ZNF385B: variants seen among roughly 807,000 people sequenced by gnomAD.
ZNF385B encodes the protein zinc finger protein 385B.
Under a neutral mutation model 39.2 loss-of-function variants are expected in ZNF385B, and 23 were observed. That is an observed-to-expected ratio of 0.59 (90% CI 0.42 to 0.83). The LOEUF is 0.83. Ranked by LOEUF, ZNF385B falls within the 40% of genes least tolerant of loss-of-function variation. ZNF385B has a pLI of 0.00. For synonymous variants in ZNF385B, 205 were observed against 222.6 expected (o/e 0.92, Z 0.70); for missense variants, 552 against 598.9 (o/e 0.92, Z 0.82).
rs147349858 is a variant in ZNF385B, at chr2:179,569,715, A to T, written c.299-24746T>A. On this transcript the variant is annotated intron_variant, in intron 3 of 9. Coordinates refer to ENST00000410066, the MANE Select transcript of ZNF385B (RefSeq NM_152520.6). ...GTGCAAAGCACAGTGCTTTCTGCAC[A>T]GTATTGGGTCAAGCTGTTTATGAAG... is the stretch of plus-strand genomic sequence containing the variant. Among the ~76,000 whole-genome samples the T allele has an allele frequency of 2.3e-3, 358 of 152,366 alleles. 1 individual carries two copies. Among genetic ancestry groups the T allele is most frequent in the African/African-American group, 8.3e-3 (347 of 41,592 alleles).
At chr2:179,472,676 G>C (rs114149227) in intron 6 of ZNF385B, among the ~76,000 whole-genome samples, 3 of 152,106 alleles carry the variant, frequency 2.0e-5, no homozygotes, top group Non-Finnish European at 4.4e-5. Flanking sequence ...TCAAATATAC[G>C]GGCTGACAAG....
intron 1 of ZNF385B, among the ~76,000 whole-genome samples, chr2:179,775,043 C>T (rs770700391): frequency 1.3e-5 from 2 of 152,134 alleles, no homozygotes; most frequent in African/African-American, 4.8e-5. Flanking sequence ...TGTTGAAATG[C>T]CTTGTACTGC....
In ZNF385B at chr2:179,444,922, T is replaced by G; in HGVS notation, c.1196A>C (p.Lys399Thr). The change falls in exon 9 of 10, where the codon AAA becomes ACA. Residue 399 changes from lysine (K) to threonine (T), a missense_variant. By Grantham distance (78) the Lys-to-Thr change is moderately conservative. Transcript: ENST00000410066. ...CTGGAGTTTGTTGTAAGGGCTGTAT[T>G]TTGGCTTCAGTGGTTTCCCTGCAAC... ...DRVAGKPLKP[K>T]YSPYNKLQRS... is the part of the protein sequence containing the mutation. 2 of 1,614,202 alleles carry G rather than the reference T, an allele frequency of 1.2e-6. No homozygotes were observed. The highest frequency in any genetic ancestry group is 1.1e-5 in the South Asian group (1 of 91,084).
intron 3 of ZNF385B, among the ~76,000 whole-genome samples, chr2:179,714,550 T>C (rs199601035): frequency 6.6e-6 from 1 of 152,150 alleles, no homozygotes; most frequent in Non-Finnish European, 1.5e-5. Context: ...GCTATGGCTG[T>C]TAAAAGGTTA....
intron 5 of ZNF385B, among the ~76,000 whole-genome samples, chr2:179,491,673 T>C (rs1421903750): frequency 1.3e-5 from 2 of 152,192 alleles, no homozygotes; most frequent in African/African-American, 4.8e-5. Context: ...ATAAAACACA[T>C]GGATAATATC....
At chr2:179,509,227 C>G (rs1255399630) in intron 5 of ZNF385B, among the ~76,000 whole-genome samples, 1 of 152,066 alleles carries the variant, frequency 6.6e-6, no homozygotes, top group Admixed American at 6.6e-5. Flanking sequence ...TTAACCTAGT[C>G]TTTTCTTTTT....
intron 3 of ZNF385B, among the ~76,000 whole-genome samples, chr2:179,715,268 G>A (rs542683375): frequency 6.6e-6 from 1 of 152,216 alleles, no homozygotes; most frequent in African/African-American, 2.4e-5. Context: ...ACCACCATAG[G>A]TGATGACTTC....
At chr2:179,736,272 T>C (rs1297400796) in intron 3 of ZNF385B, among the ~76,000 whole-genome samples, 1 of 152,164 alleles carries the variant, frequency 6.6e-6, no homozygotes, top group Admixed American at 6.5e-5. Flanking sequence ...ATACTTGCTT[T>C]GGGAGCTTAC....
intron 5 of ZNF385B, among the ~76,000 whole-genome samples, chr2:179,498,169 A>G (rs1336503129): frequency 1.3e-5 from 2 of 152,148 alleles, no homozygotes; most frequent in African/African-American, 4.8e-5. Context: ...AAATCAATAA[A>G]GAAACATAAG....
chr2:179,785,984 A>G (rs988466995), intron 1 of ZNF385B, among the ~76,000 whole-genome samples: 4 of 152,146 alleles, frequency 2.6e-5, no homozygotes, highest in Non-Finnish European at 4.4e-5. Flanking sequence ...GATGTAGCAA[A>G]TTTCATTGTT....
At chr2:179,622,799 A>T (rs947251926) in intron 3 of ZNF385B, among the ~76,000 whole-genome samples, 4 of 152,134 alleles carry the variant, frequency 2.6e-5, no homozygotes, top group Non-Finnish European at 5.9e-5. Context: ...CTTTGCCTGT[A>T]CTCTGAAAGA....
intron 6 of ZNF385B, among the ~76,000 whole-genome samples, chr2:179,451,059 A>C (rs951076037): frequency 1.5e-5 from 2 of 134,138 alleles, no homozygotes; most frequent in Non-Finnish European, 3.1e-5. Flanking sequence ...ATGATAACAC[A>C]TGGACACAGG....
At chr2:179,765,470 C>T (rs1703634523) in intron 3 of ZNF385B, among the ~76,000 whole-genome samples, 1 of 152,152 alleles carries the variant, frequency 6.6e-6, no homozygotes, top group South Asian at 2.1e-4. Flanking sequence ...GCCTGGCTGT[C>T]ACTTCTGCAC....
intron 5 of ZNF385B, among the ~76,000 whole-genome samples, chr2:179,516,376 G>T (rs1409196360): frequency 1.3e-5 from 2 of 152,018 alleles, no homozygotes; most frequent in African/African-American, 4.8e-5. Context: ...TTCCAAAGTG[G>T]CTGTACCATT....
chr2:179,706,631 C>T (rs1211301392), intron 3 of ZNF385B, among the ~76,000 whole-genome samples: 1 of 152,018 alleles, frequency 6.6e-6, no homozygotes, highest in Non-Finnish European at 1.5e-5. Context: ...ACAGGGATGC[C>T]CTGAAAACAC....
intron 3 of ZNF385B, among the ~76,000 whole-genome samples, chr2:179,743,853 A>AT (rs757730613): frequency 6.6e-6 from 1 of 152,074 alleles, no homozygotes; most frequent in Non-Finnish European, 1.5e-5. Flanking sequence ...GAAAGAAGGC[A>AT]TTTTTTGGGT....
intron 3 of ZNF385B, among the ~76,000 whole-genome samples, chr2:179,734,116 T>C (rs1701584997): frequency 6.6e-6 from 1 of 152,210 alleles, no homozygotes. Context: ...CTGCATAATA[T>C]CACATGGCAT....
At chr2:179,772,985 GA>G (rs1704100866) in intron 1 of ZNF385B, among the ~76,000 whole-genome samples, 1 of 152,158 alleles carries the variant, frequency 6.6e-6, no homozygotes, top group African/African-American at 2.4e-5. Context: ...AAAAGAATGA[GA>G]AAATGTTGGT....
chr2:179,758,823 G>C (rs965583355), intron 3 of ZNF385B, among the ~76,000 whole-genome samples: 3 of 152,158 alleles, frequency 2.0e-5, no homozygotes, highest in African/African-American at 7.2e-5. Context: ...GCAGCTCCAC[G>C]GGTGTGCACC....
Sources: allele counts gnomAD v4.1 joint callset (sites outside exome capture counted in the v4.1 genomes callset), GRCh38; gene constraint gnomAD v4.1.1; transcripts MANE v1.5; gene names NCBI Gene and HGNC (gene_info 2026-07-23, HGNC 2026-07-21).